The following CGGBP1 variants were observed in gnomAD, a reference collection of about 807,000 sequenced individuals.
CGGBP1 encodes CGG triplet repeat binding protein 1, also known as CGG triplet repeat-binding protein 1.
Under a neutral mutation model 11.4 loss-of-function variants are expected in CGGBP1, and 4 were observed. The ratio of observed to expected loss-of-function variants is 0.35; its 90% confidence interval spans 0.17 to 0.80. The LOEUF (loss-of-function observed/expected upper bound fraction) is 0.80, where lower values mean the gene tolerates loss of function less well. CGGBP1 is among the 30% of genes least tolerant of loss of function. The pLI, the probability that CGGBP1 is intolerant of heterozygous loss-of-function variation, is 0.52. For missense variants in CGGBP1, 135 were observed against 202.1 expected (o/e 0.67, Z 2.01); for synonymous variants, 76 against 74.1 (o/e 1.03, Z -0.13).
chr3:88,059,420 G>A, upstream of CGGBP1: 1 of 1,530,054 alleles, frequency 6.5e-7, no homozygotes, highest in Non-Finnish European at 8.7e-7. Flanking sequence ...AGAGCTGCGG[G>A]CGACGGCAGA....
chr3:88,054,696 TAGAAA>T lies in CGGBP1; in HGVS notation c.*772_*776del, dbSNP rs1706502794. On this transcript the variant is annotated 3_prime_UTR_variant, in exon 4 of 4. Transcript: ENST00000482016. Reference sequence around the variant, plus strand: ...CTTGAAATCTTTTAACACCAAGACATAGAAAAAAGTTTAGAAATTCAAGATGATGC... The same window carrying T: ...CTTGAAATCTTTTAACACCAAGACATAAAGTTTAGAAATTCAAGATGATGC... The T allele has an allele frequency of 6.6e-6, 1 of 152,546 alleles. No homozygotes were observed. The highest frequency in any genetic ancestry group is 1.5e-5 in the Non-Finnish European group (1 of 67,994). The allele number at this position is 152,546 out of a possible 1,614,324, so 9.4% of individuals were successfully genotyped here. A position where few individuals can be genotyped will look rare whatever the true frequency, so the allele number is the denominator to read the frequency against.
intron 2 of CGGBP1, among the ~76,000 whole-genome samples, chr3:88,120,479 C>T (rs1207250263): frequency 1.3e-5 from 2 of 152,070 alleles, no homozygotes; most frequent in African/African-American, 4.8e-5. Context: ...TCGATAGAGG[C>T]CTAGACTAGA....
intron 2 of CGGBP1, among the ~76,000 whole-genome samples, chr3:88,083,501 C>T (rs1371814433): frequency 6.6e-6 from 1 of 152,120 alleles, no homozygotes; most frequent in East Asian, 1.9e-4. Context: ...TCTTCAATTC[C>T]CTTTATATCA....
At chr3:88,058,609 G>A (rs1706642746) in intron 1 of CGGBP1, among the ~76,000 whole-genome samples, 1 of 152,214 alleles carries the variant, frequency 6.6e-6, no homozygotes, top group Non-Finnish European at 1.5e-5. Context: ...GAACTCGACA[G>A]CCGACTTGGC....
intron 1 of CGGBP1, chr3:88,141,661 G>A: frequency 2.0e-6 from 3 of 1,503,004 alleles, no homozygotes; most frequent in African/African-American, 1.4e-5. Flanking sequence ...GATGAAAACG[G>A]TTCAGAAAGA....
At chr3:88,131,289 G>A (rs1446187143) in intron 2 of CGGBP1, among the ~76,000 whole-genome samples, 1 of 152,162 alleles carries the variant, frequency 6.6e-6, no homozygotes, top group Non-Finnish European at 1.5e-5. Flanking sequence ...GCAGTCTTCT[G>A]TTCACTGAAA....
At chr3:88,128,510 T>A (rs1559728820) in intron 2 of CGGBP1, among the ~76,000 whole-genome samples, 1 of 152,126 alleles carries the variant, frequency 6.6e-6, no homozygotes. Flanking sequence ...GAACATATTT[T>A]AACATATTAA....
intron 2 of CGGBP1, among the ~76,000 whole-genome samples, chr3:88,082,466 AATG>A (rs1708130510): frequency 6.6e-6 from 1 of 152,204 alleles, no homozygotes; most frequent in South Asian, 2.1e-4. Context: ...GCTGTAAACA[AATG>A]ATGAACTTAA....
At chr3:88,107,785 A>G (rs924109796) in intron 2 of CGGBP1, among the ~76,000 whole-genome samples, 3 of 151,890 alleles carry the variant, frequency 2.0e-5, no homozygotes, top group Non-Finnish European at 4.4e-5. Flanking sequence ...AATTTCAGTG[A>G]TTTTATTATT....
chr3:88,138,608 C>T, intron 2 of CGGBP1: 1 of 689,840 alleles, frequency 1.4e-6, no homozygotes, highest in Non-Finnish European at 2.0e-6. Context: ...TATGTTTATT[C>T]AGCTTTCATT....
At chr3:88,111,727 A>G (rs577983616) in intron 2 of CGGBP1, among the ~76,000 whole-genome samples, 3 of 152,158 alleles carry the variant, frequency 2.0e-5, no homozygotes, top group East Asian at 3.9e-4. Context: ...CTGCTAGGTC[A>G]AATGGTATGT....
At chr3:88,142,127 G>A (rs1438892331) in intron 1 of CGGBP1, 1 of 152,520 alleles carries the variant, frequency 6.6e-6, no homozygotes, top group African/African-American at 2.4e-5. Flanking sequence ...CTCCCTTCTG[G>A]TTAAACATGG....
intron 2 of CGGBP1, among the ~76,000 whole-genome samples, chr3:88,108,183 A>G (rs1470349976): frequency 6.6e-6 from 1 of 151,510 alleles, no homozygotes; most frequent in Non-Finnish European, 1.5e-5. Context: ...CACGACCTAC[A>G]TGAGAAGATT....
chr3:88,076,369 AT>A (rs577664673), intron 2 of CGGBP1, among the ~76,000 whole-genome samples: 55 of 151,992 alleles, frequency 3.6e-4, no homozygotes, highest in Admixed American at 7.9e-4. Context: ...AACATCTATA[AT>A]TTTTTTTCCC....
chr3:88,128,751 CAA>C, intron 2 of CGGBP1: 1 of 1,260,762 alleles, frequency 7.9e-7, no homozygotes, highest in Non-Finnish European at 1.1e-6. Context: ...TTTCAAAGAA[CAA>C]AGTTTGAGAG....
At chr3:88,132,662 G>A (rs1345380163) in intron 2 of CGGBP1, among the ~76,000 whole-genome samples, 1 of 152,132 alleles carries the variant, frequency 6.6e-6, no homozygotes, top group Non-Finnish European at 1.5e-5. Context: ...AAACTTATTA[G>A]GATATTGCAG....
intron 2 of CGGBP1, among the ~76,000 whole-genome samples, chr3:88,081,130 TTTG>T (rs2107645593): frequency 6.6e-6 from 1 of 152,296 alleles, no homozygotes; most frequent in East Asian, 1.9e-4. Flanking sequence ...TTGTCTGATG[TTTG>T]TTTTCTCGTG....
intron 2 of CGGBP1, among the ~76,000 whole-genome samples, chr3:88,106,405 T>G (rs1264796668): frequency 6.6e-6 from 1 of 151,866 alleles, no homozygotes; most frequent in African/African-American, 2.4e-5. Context: ...TGGTGTGATC[T>G]CGGCTCACTG....
chr3:88,061,133 G>A (rs1477512782), upstream of CGGBP1, among the ~76,000 whole-genome samples: 1 of 152,022 alleles, frequency 6.6e-6, no homozygotes, highest in Non-Finnish European at 1.5e-5. Flanking sequence ...TAGAAACCAC[G>A]CTATTGGTAG....
Sources: gnomAD v4.1 joint callset for allele counts (sites outside exome capture counted in the v4.1 genomes callset) on GRCh38, gnomAD v4.1.1 for gene constraint, MANE v1.5 for transcripts, NCBI Gene and HGNC (gene_info 2026-07-23, HGNC 2026-07-21) for gene names.